RASA2: variants seen among roughly 807,000 people sequenced by gnomAD.
RASA2 encodes the protein RAS p21 protein activator 2.
In RASA2, 155 loss-of-function variants were observed where a neutral mutation model predicts 118.2. The ratio of observed to expected loss-of-function variants is 1.31; its 90% confidence interval spans 1.15 to 1.50. The LOEUF (loss-of-function observed/expected upper bound fraction) is 1.50. Among genes scored for constraint, RASA2 ranks in the 40% most tolerant of loss-of-function variants. The pLI, the probability that RASA2 is intolerant of heterozygous loss-of-function variation, is 0.00. For missense variants in RASA2, 1,016 were observed against 1,009.6 expected (o/e 1.01, Z -0.09); for synonymous variants, 353 against 349.1 (o/e 1.01, Z -0.12).
chr3:141,567,860 A>G (rs567905190), intron 9 of RASA2, among the ~76,000 whole-genome samples: 1 of 152,344 alleles, frequency 6.6e-6, no homozygotes, highest in East Asian at 1.9e-4. Flanking sequence ...TAAAAGAAAT[A>G]TCAGTGCAGA....
intron 19 of RASA2, among the ~76,000 whole-genome samples, chr3:141,598,298 A>AG (rs760844869): frequency 6.6e-5 from 10 of 152,218 alleles, no homozygotes; most frequent in Non-Finnish European, 1.5e-4. Context: ...TCCATAATGA[A>AG]GTGGGGTTTG....
chr3:141,593,679 T>A (rs766344740), intron 19 of RASA2, among the ~76,000 whole-genome samples: 1 of 152,218 alleles, frequency 6.6e-6, no homozygotes, highest in Non-Finnish European at 1.5e-5. Context: ...ATTTGGAATT[T>A]TACTTAGAGA....
At chr3:141,574,460 G>A (rs950768117) in intron 14 of RASA2, among the ~76,000 whole-genome samples, 171 of 152,288 alleles carry the variant, frequency 1.1e-3, no homozygotes, top group African/African-American at 3.8e-3. Flanking sequence ...AAGTTTCTGG[G>A]ATTACAGGCG....
rs370402118 is a variant in RASA2 at position 141,584,563 on chromosome 3, C to G, written c.1753-1462C>G. Among the ~76,000 whole-genome samples, 22 of 152,280 alleles carry G rather than the reference C, an allele frequency of 1.4e-4. 2 individuals carry two copies. Among genetic ancestry groups the G allele is most frequent in the African/African-American group, 5.3e-4 (22 of 41,546 alleles). ...TTAGATTTCGATTATCCCAGATAATCTGTTTACTCTTCAGTCATGACTGTG... is the reference window on the plus strand; with the variant it reads ...TTAGATTTCGATTATCCCAGATAATGTGTTTACTCTTCAGTCATGACTGTG... On this transcript the variant is annotated intron_variant, in intron 17 of 23. Coordinates refer to ENST00000286364, the MANE Select transcript of RASA2 (RefSeq NM_006506.5).
At chr3:141,527,579 C>A (rs2082202465) in intron 3 of RASA2, among the ~76,000 whole-genome samples, 1 of 151,958 alleles carries the variant, frequency 6.6e-6, no homozygotes, top group East Asian at 1.9e-4. Flanking sequence ...GGTGTGGAAT[C>A]TGTGGTAATT....
intron 5 of RASA2, among the ~76,000 whole-genome samples, chr3:141,551,560 G>A (rs2082575813): frequency 6.6e-6 from 1 of 152,132 alleles, no homozygotes; most frequent in South Asian, 2.1e-4. Context: ...GGGGTCCCTA[G>A]TCACTTTGAC....
At chr3:141,496,986 T>TAA (rs1577637415) in intron 1 of RASA2, among the ~76,000 whole-genome samples, 1 of 152,052 alleles carries the variant, frequency 6.6e-6, no homozygotes, top group East Asian at 1.9e-4. Flanking sequence ...TATGCAGCCA[T>TAA]AAAAATGGAT....
chr3:141,533,301 C>G (rs532269546), intron 4 of RASA2, among the ~76,000 whole-genome samples: 2 of 152,234 alleles, frequency 1.3e-5, no homozygotes, highest in South Asian at 4.1e-4. Context: ...TAGGCATGTT[C>G]CCTAAGGAAG....
At chr3:141,585,870 CTAATT>C (rs1435149380) in intron 17 of RASA2, among the ~76,000 whole-genome samples, 150 bp from the exon 18 acceptor site, 7 of 152,110 alleles carry the variant, frequency 4.6e-5, no homozygotes, top group Non-Finnish European at 7.4e-5. Flanking sequence ...GATTTCCTCT[CTAATT>C]AAATATGTGT....
Position 141,586,715 on chromosome 3 carries a change from C to T in RASA2, c.1896C>T (p.Cys632=). The T allele has an allele frequency of 6.2e-7, 1 of 1,613,578 alleles. No homozygotes were observed. The highest frequency in any genetic ancestry group is 2.2e-5 in the East Asian group (1 of 44,806). ...AGAATTTTAAGAAACGATGGTTCTG[C>T]TTAACAAGCAGAGAGCTCACCTACC... The part of the protein sequence containing the change: ...GKKNFKKRWF[C]LTSRELTYHK... Residue 632 remains cysteine (C), a synonymous_variant, in exon 19 of 24, where the codon TGC becomes TGT. Transcript: ENST00000286364.
At position 141,573,968 on chromosome 3, in the gene RASA2, A is replaced by C; in HGVS notation, c.1384A>C (p.Lys462Gln). The C allele has an allele frequency of 6.3e-7, 1 of 1,587,864 alleles. No individual in the cohort carries two copies. The highest frequency in any genetic ancestry group is 8.6e-7 in the Non-Finnish European group (1 of 1,163,582). The stretch of plus-strand genomic sequence containing the variant: ...GGAGAATCTGCGCTACTATGTAGAC[A>C]AGTTATTCAATACAATTGTAAAATC... The part of the protein sequence containing the change: ...NKENLRYYVD[K>Q]LFNTIVKSSM... The change falls in exon 14 of 24, where the codon AAG becomes CAG. Residue 462 changes from lysine (K) to glutamine (Q), a missense_variant. Transcript: ENST00000286364.
intron 9 of RASA2, among the ~76,000 whole-genome samples, chr3:141,567,539 CT>C: frequency 6.6e-6 from 1 of 151,982 alleles, no homozygotes; most frequent in African/African-American, 2.4e-5. Flanking sequence ...TATTTTAAAA[CT>C]TTTTAAATGT....
chr3:141,577,052 C>T lies in RASA2; in HGVS notation c.1536C>T (p.Phe512=). The change falls in exon 15 of 24, where the codon TTC becomes TTT. Residue 512 remains phenylalanine, a synonymous_variant. Coordinates refer to ENST00000286364, the MANE Select transcript of RASA2 (RefSeq NM_006506.5). ...SAVSSFVFLR[F]FAVAVVSPHT... ...TGAGCAGCTTTGTATTTCTTCGTTT[C>T]TTTGCTGTAGCCGTAGTATCACCTC... The T allele has an allele frequency of 6.2e-7, 1 of 1,611,844 alleles. No homozygotes were observed. Among genetic ancestry groups the T allele is most frequent in the Non-Finnish European group, 8.5e-7 (1 of 1,178,808 alleles).
At chr3:141,538,903 T>C (rs1395061534) in intron 4 of RASA2, among the ~76,000 whole-genome samples, 1 of 152,228 alleles carries the variant, frequency 6.6e-6, no homozygotes, top group African/African-American at 2.4e-5. Flanking sequence ...ACAAAATGAT[T>C]ATCTTTTTCT....
At chr3:141,560,892 C>T (rs1577737077) in intron 9 of RASA2, among the ~76,000 whole-genome samples, 1 of 152,178 alleles carries the variant, frequency 6.6e-6, no homozygotes. Flanking sequence ...AAGAGCCTGC[C>T]TCTTCTGATT....
intron 1 of RASA2, among the ~76,000 whole-genome samples, chr3:141,487,822 T>G (rs1460521169): frequency 6.6e-6 from 1 of 151,944 alleles, no homozygotes; most frequent in East Asian, 1.9e-4. Context: ...CGCGGTCTGT[T>G]CGCGGGTGAG....
At chr3:141,563,954 C>A (rs1577743333) in intron 9 of RASA2, among the ~76,000 whole-genome samples, 1 of 144,478 alleles carries the variant, frequency 6.9e-6, no homozygotes, top group Non-Finnish European at 1.5e-5. Context: ...GGTAAAACAA[C>A]AACATGTTGT....
intron 19 of RASA2, among the ~76,000 whole-genome samples, chr3:141,600,016 G>A (rs1011265399): frequency 1.3e-5 from 2 of 152,146 alleles, no homozygotes; most frequent in Admixed American, 6.5e-5. Context: ...TAAGTGTGTG[G>A]AAGTTACTTA....
At chr3:141,572,789 T>G in intron 12 of RASA2, 66 bp downstream of exon 12, 1 of 1,203,236 alleles carries the variant, frequency 8.3e-7, no homozygotes, top group Non-Finnish European at 1.2e-6. Context: ...TATCAAGTGA[T>G]CTATTGATGG....
Sources: gnomAD v4.1 joint callset for allele counts (sites outside exome capture counted in the v4.1 genomes callset) on GRCh38, gnomAD v4.1.1 for gene constraint, MANE v1.5 for transcripts, NCBI Gene and HGNC (gene_info 2026-07-23, HGNC 2026-07-21) for gene names.